The following MCM2 variants were observed in gnomAD, a reference collection of about 807,000 sequenced individuals.
MCM2 encodes the protein DNA replication licensing factor MCM2.
A neutral mutation model predicts 86.4 loss-of-function variants in MCM2; 49 were observed. That is an observed-to-expected ratio of 0.57 (90% CI 0.45 to 0.72). The LOEUF (loss-of-function observed/expected upper bound fraction) is 0.72, where lower values mean the gene tolerates loss of function less well. Ranked by LOEUF, MCM2 falls within the 30% of genes least tolerant of loss-of-function variation. The pLI, the probability that MCM2 is intolerant of heterozygous loss-of-function variation, is 0.00. For missense variants in MCM2, 1,038 were observed against 1,259.9 expected, an observed-to-expected ratio of 0.82 and a Z score of 2.67; for synonymous variants, 475 against 484.6, an observed-to-expected ratio of 0.98 and a Z score of 0.26.
Position 127,616,886 on chromosome 3 carries a change from G to A in MCM2, c.1541G>A (p.Arg514His), listed in dbSNP as rs1273687863. ...PKNPGGKHKV[R>H]GDINVLLCGD... ...CCTCCAGGTGGCAAGCACAAGGTAC[G>A]TGGTGATATCAACGTGCTCTTGTGC... The change falls in exon 10 of 16, where the codon CGT (arginine) becomes CAT (histidine). Residue 514 changes from arginine (R) to histidine (H), a missense_variant. Arg to His is a conservative substitution (Grantham distance 29). Transcript: ENST00000265056. 5 of 1,613,930 alleles carry A rather than the reference G, an allele frequency of 3.1e-6. No individual in the cohort carries two copies. Among genetic ancestry groups the A allele is most frequent in the Non-Finnish European group, 3.4e-6 (4 of 1,180,020 alleles).
chr3:127,605,992 A>C lies in MCM2; in HGVS notation c.674-126A>C, dbSNP rs937417780. ...GAAGTGTGGTAGACCTAGAAGTGAA[A>C]GCTGGGCTTTCTAGGTCAAAATCAA... On this transcript the variant is annotated intron_variant, in intron 4 of 15. Transcript: ENST00000265056. 31 of 698,328 alleles carry C rather than the reference A, an allele frequency of 4.4e-5. No individual in the cohort carries two copies. In the African/African-American group the frequency reaches 5.0e-4, roughly 11 times the overall value. 43.3% of individuals were successfully genotyped at this position (698,328 alleles called of 1,614,324 possible). A position where few individuals can be genotyped will look rare whatever the true frequency, so the allele number is the denominator to read the frequency against.
chr3:127,599,500 G>A lies in MCM2; in HGVS notation c.189G>A (p.Leu63=). ...GGCTCCTAGGCACAGAGGGGCCCCTGGAGGAAGAAGAGGATGGAGAGGAGC... is the reference window on the plus strand; with the variant it reads ...GGCTCCTAGGCACAGAGGGGCCCCTAGAGGAAGAAGAGGATGGAGAGGAGC... ...SEGLLGTEGP[L]EEEEDGEELI... Residue 63 remains leucine, a synonymous_variant, in exon 2 of 16, where the codon CTG becomes CTA. Coordinates refer to ENST00000265056, the MANE Select transcript of MCM2 (RefSeq NM_004526.4). 2 of 1,614,138 alleles carry A rather than the reference G, an allele frequency of 1.2e-6. No homozygotes were observed. Among genetic ancestry groups the A allele is most frequent in the East Asian group, 2.2e-5 (1 of 44,890 alleles).
chr3:127,606,609 G>A lies in MCM2; in HGVS notation c.894-1G>A. 1.9e-6 allele frequency: 3 copies of A among 1,613,318 alleles called. No homozygotes were observed. The highest frequency in any genetic ancestry group is 2.5e-6 in the Non-Finnish European group (3 of 1,179,482). ...TTCTGATGCACCCTCTGCCTCCGCA[G>A]GCAGCTGCATCTGAACCAGCTGATC... On this transcript the variant is annotated splice_acceptor_variant, in intron 5 of 15. Transcript: ENST00000265056. LOFTEE classifies it high-confidence loss of function. This position sits in a 1 kb window ranked among gnomAD's most constrained non-coding sequence, Gnocchi z 4.2.
At chr3:127,600,941 A>G (rs2074303199) in intron 2 of MCM2, among the ~76,000 whole-genome samples, 1 of 151,978 alleles carries the variant, frequency 6.6e-6, no homozygotes, top group African/African-American at 2.4e-5. Flanking sequence ...CGAAAATATA[A>G]TTCAATGCAA....
Position 127,622,021 on chromosome 3 carries a change from G to C in MCM2, c.*248G>C. 2.3e-6 allele frequency: 1 copy of C among 440,734 alleles called. No individual in the cohort carries two copies. Among genetic ancestry groups the C allele is most frequent in the South Asian group, 2.6e-5 (1 of 39,180 alleles). The allele number at this position is 440,734 out of a possible 1,614,324, so 27.3% of individuals were successfully genotyped here. ...GGTTGCTGAACATCTTGCCACCTCC[G>C]AGTGCTTTGTCTCCACTCAGTACCT... On this transcript the variant is annotated 3_prime_UTR_variant, in exon 16 of 16. Coordinates refer to ENST00000265056, the MANE Select transcript of MCM2 (RefSeq NM_004526.4).
In MCM2 at chr3:127,604,618, G is replaced by A. The variant is rs768536290; in HGVS notation, c.247G>A (p.Ala83Thr). 27 of 1,612,914 alleles carry A rather than the reference G, an allele frequency of 1.7e-5. No individual in the cohort carries two copies. In the Admixed American group the frequency reaches 2.7e-4, roughly 16 times the overall value. The change falls in exon 3 of 16, where the codon GCC (alanine) becomes ACC (threonine). Residue 83 changes from alanine to threonine, a missense_variant. Around this residue, in one of 4 missense-constraint regions of MCM2, gnomAD observed 300 missense variants for 307.4 expected, o/e 0.98. Coordinates refer to ENST00000265056, the MANE Select transcript of MCM2 (RefSeq NM_004526.4). ...TTGGTGCTCCCTCAGGGACTACCGCGCCATCCCAGAGCTGGACGCCTATGA... is the reference window on the plus strand; with the variant it reads ...TTGGTGCTCCCTCAGGGACTACCGCACCATCCCAGAGCTGGACGCCTATGA... ...IGDGMERDYR[A>T]IPELDAYEAE...
At chr3:127,610,423 T>C (rs2074385932) in intron 8 of MCM2, among the ~76,000 whole-genome samples, 1 of 152,104 alleles carries the variant, frequency 6.6e-6, no homozygotes, top group African/African-American at 2.4e-5. Flanking sequence ...GGTTAGCTGA[T>C]TTGTTTTGGT....
intron 15 of MCM2, 59 bp downstream of exon 15, chr3:127,621,287 C>G (rs1050455891): frequency 5.0e-6 from 8 of 1,591,670 alleles, no homozygotes; most frequent in Non-Finnish European, 2.6e-6. Context: ...CTGCCAGTCT[C>G]CTGATGGGGG....
intron 6 of MCM2, among the ~76,000 whole-genome samples, chr3:127,607,762 C>T (rs1411925358): frequency 6.6e-6 from 1 of 152,210 alleles, no homozygotes; most frequent in Non-Finnish European, 1.5e-5. Context: ...GAGGCAGGAA[C>T]TGTTACTGGC....
intron 13 of MCM2, 26 bp downstream of exon 13, chr3:127,619,304 G>C (rs2074458449): frequency 1.2e-6 from 2 of 1,602,624 alleles, no homozygotes; most frequent in Admixed American, 3.4e-5. Flanking sequence ...GAGCCGGGAG[G>C]TGCTATGCAG....
At chr3:127,610,031 GAC>G (rs966254519) in intron 8 of MCM2, among the ~76,000 whole-genome samples, 4 of 151,496 alleles carry the variant, frequency 2.6e-5, no homozygotes, top group African/African-American at 9.7e-5. Context: ...TTTTAGTAGA[GAC>G]AGATTTCACC....
chr3:127,620,357 C>T (rs1235837851), intron 13 of MCM2, among the ~76,000 whole-genome samples: 1 of 152,174 alleles, frequency 6.6e-6, no homozygotes, highest in Non-Finnish European at 1.5e-5. Context: ...TTTGCACTTA[C>T]ATTGTACAGG....
At position 127,620,835 on chromosome 3, in the gene MCM2, C is replaced by T; in HGVS notation, c.2403C>T (p.Ser801=). ...TGGCCATCCGCGTGATGCTGGAGAG[C>T]TTCATAGACACACAGAAGTTCAGCG... ...VNMAIRVMLE[S]FIDTQKFSVM... The change falls in exon 14 of 16, where the codon AGC becomes AGT. Residue 801 remains serine (S), a synonymous_variant. Transcript: ENST00000265056. The T allele has an allele frequency of 3.1e-6, 5 of 1,613,462 alleles. No individual in the cohort carries two copies. The highest frequency in any genetic ancestry group is 4.2e-6 in the Non-Finnish European group (5 of 1,179,604).
intron 8 of MCM2, among the ~76,000 whole-genome samples, chr3:127,614,090 G>C (rs1387803132): frequency 2.0e-5 from 3 of 152,122 alleles, no homozygotes; most frequent in Non-Finnish European, 4.4e-5. Context: ...CATGCTTTCT[G>C]GGGGGTACAT....
intron 2 of MCM2, among the ~76,000 whole-genome samples, chr3:127,604,078 C>T (rs1256421866): frequency 6.6e-6 from 1 of 152,216 alleles, no homozygotes; most frequent in Non-Finnish European, 1.5e-5. Flanking sequence ...CATGAACCAC[C>T]ATGCCCAGCC....
intron 2 of MCM2, among the ~76,000 whole-genome samples, chr3:127,599,897 G>A (rs1194384911): frequency 6.6e-6 from 1 of 152,206 alleles, no homozygotes; most frequent in East Asian, 1.9e-4. Flanking sequence ...AGGTGCATGG[G>A]GGAGGAGGGA....
At position 127,619,126 on chromosome 3, in the gene MCM2, G is replaced by A. The variant is rs147793264; in HGVS notation, c.2113G>A (p.Ala705Thr). 2.0e-5 allele frequency: 33 copies of A among 1,613,878 alleles called. No homozygotes were observed. The highest frequency in any genetic ancestry group is 2.6e-5 in the Non-Finnish European group (31 of 1,179,980). The change falls in exon 13 of 16, where the codon GCC becomes ACC. Residue 705 changes from alanine (A) to threonine (T), a missense_variant. This residue lies in a region of MCM2 where 336 missense variants were observed against 425.7 expected (regional missense o/e 0.79). Transcript: ENST00000265056. Reference protein sequence around the residue: ...GLANGSAAEPAMPNTYGVEPL... With the variant: ...GLANGSAAEPTMPNTYGVEPL... Reference sequence around the variant, plus strand: ...GGCCAATGGCAGCGCTGCTGAGCCCGCCATGCCCAACACGTATGGCGTGGA... The same window carrying A: ...GGCCAATGGCAGCGCTGCTGAGCCCACCATGCCCAACACGTATGGCGTGGA...
intron 8 of MCM2, among the ~76,000 whole-genome samples, chr3:127,615,189 G>A (rs576573284): frequency 6.6e-6 from 1 of 152,212 alleles, no homozygotes; most frequent in South Asian, 2.1e-4. Flanking sequence ...GTGCAGGGGG[G>A]TATGAAGGCT....
rs10716532 is a variant in MCM2, at chr3:127,609,837, C to CTT, written c.1428+840_1428+841dup. On this transcript the variant is annotated intron_variant, in intron 8 of 15. Coordinates refer to ENST00000265056, the MANE Select transcript of MCM2 (RefSeq NM_004526.4). ...CTTCCTCTGTTTCTCAGTCAACTTC[C>CTT]TTTTTTTTTTTTTTTTTTTTTTTTT... Among the ~76,000 whole-genome samples the CTT allele has an allele frequency of 1.0e-3, 69 of 69,112 alleles. 5 individuals are homozygous for CTT. Among genetic ancestry groups the CTT allele is most frequent in the South Asian group, 2.9e-3 (4 of 1,374 alleles). 45.3% of individuals were successfully genotyped at this position (69,112 alleles called of 152,430 possible). A position where few individuals can be genotyped will look rare whatever the true frequency, so the allele number is the denominator to read the frequency against.
Sources: gnomAD v4.1 joint callset for allele counts (sites outside exome capture counted in the v4.1 genomes callset) on GRCh38, gnomAD v4.1.1 for gene constraint, gnomAD v4.1.1 regional missense constraint, Gnocchi (gnomAD v3.1) non-coding constraint, MANE v1.5 for transcripts, NCBI Gene and HGNC (gene_info 2026-07-23, HGNC 2026-07-21) for gene names.